The following CADM2 variants were observed in gnomAD, a reference collection of about 807,000 sequenced individuals.
CADM2 encodes the protein cell adhesion molecule 2.
Under a neutral mutation model 49.8 loss-of-function variants are expected in CADM2, and 12 were observed. The observed-to-expected ratio is 0.24, with a 90% confidence interval of 0.15 to 0.39. The LOEUF (loss-of-function observed/expected upper bound fraction) is 0.39. Ranked by LOEUF, CADM2 falls within the 10% of genes least tolerant of loss-of-function variation. CADM2 has a pLI of 1.00. For missense variants in CADM2, 378 were observed against 492.3 expected, an observed-to-expected ratio of 0.77 and a Z score of 2.20; for synonymous variants, 214 against 175.4, an observed-to-expected ratio of 1.22 and a Z score of -1.74.
intron 1 of CADM2, among the ~76,000 whole-genome samples, chr3:85,174,782 T>C (rs912974951): frequency 7.2e-5 from 11 of 152,114 alleles, no homozygotes; most frequent in Admixed American, 5.2e-4. Flanking sequence ...AAGGGGAAGA[T>C]AGAAGATTGG....
chr3:86,029,481 G>A (rs946385672), intron 8 of CADM2, among the ~76,000 whole-genome samples: 2 of 150,300 alleles, frequency 1.3e-5, no homozygotes, highest in Non-Finnish European at 2.9e-5. Flanking sequence ...TGAGAAGTAG[G>A]AGAGAGTTTG....
intron 2 of CADM2, among the ~76,000 whole-genome samples, chr3:85,761,330 A>G (rs117362828): frequency 0.011 from 1,656 of 150,982 alleles, 35 homozygotes; most frequent in East Asian, 0.039. Context: ...AAAAGCAATA[A>G]TGGTATGAAT....
intron 1 of CADM2, among the ~76,000 whole-genome samples, chr3:85,635,577 T>C (rs1281473993): frequency 6.6e-6 from 1 of 152,190 alleles, no homozygotes; most frequent in Non-Finnish European, 1.5e-5. Flanking sequence ...ATCTTTGAAT[T>C]AAGTATTTCC....
rs2107467544 is a variant in CADM2, at chr3:86,072,397, A to AT, written c.*5615dup. On this transcript the variant is annotated 3_prime_UTR_variant, in exon 10 of 10. Transcript: ENST00000383699. ...GAATGGGCCCAAATGTGAAAAAGAT[A>AT]TAAAAAAAACAAAAAAAACAAAAAA... The AT allele has an allele frequency of 6.6e-6, 1 of 150,566 alleles. No individual in the cohort carries two copies. Among genetic ancestry groups the AT allele is most frequent in the African/African-American group, 2.5e-5 (1 of 40,424 alleles). The allele number at this position is 150,566 out of a possible 1,614,324, so 9.3% of individuals were successfully genotyped here.
chr3:85,582,348 T>C (rs1417388516), intron 1 of CADM2, among the ~76,000 whole-genome samples: 1 of 152,128 alleles, frequency 6.6e-6, no homozygotes, highest in Non-Finnish European at 1.5e-5. Context: ...AATCAATCAA[T>C]GGAATCCAAA....
At chr3:85,233,926 T>G (rs2107819380) in intron 1 of CADM2, among the ~76,000 whole-genome samples, 1 of 152,230 alleles carries the variant, frequency 6.6e-6, no homozygotes, top group East Asian at 1.9e-4. Context: ...TAGTATGAAT[T>G]ATTTCCATTC....
chr3:85,651,504 A>C (rs1000562318), intron 1 of CADM2, among the ~76,000 whole-genome samples: 3 of 152,186 alleles, frequency 2.0e-5, no homozygotes, highest in African/African-American at 7.2e-5. Context: ...GCATGATAGA[A>C]ATAATTTTTA....
intron 5 of CADM2, 146 bp downstream of exon 5, chr3:85,886,473 A>G: frequency 1.4e-5 from 8 of 589,058 alleles, no homozygotes; most frequent in Admixed American, 3.0e-5. Context: ...ATTCTTAAGT[A>G]AGGTAATTTT....
intron 1 of CADM2, among the ~76,000 whole-genome samples, chr3:84,988,252 C>A (rs2032693799): frequency 6.6e-6 from 1 of 152,194 alleles, no homozygotes; most frequent in South Asian, 2.1e-4. Flanking sequence ...ATCTTAGTAT[C>A]CTTTTTCTTT....
intron 8 of CADM2, among the ~76,000 whole-genome samples, chr3:86,028,498 A>G (rs1734186217): frequency 6.6e-6 from 1 of 152,190 alleles, no homozygotes; most frequent in Non-Finnish European, 1.5e-5. Flanking sequence ...GAGAGTTTCA[A>G]AAATGTTTTT....
At chr3:85,118,058 T>C (rs1039708558) in intron 1 of CADM2, among the ~76,000 whole-genome samples, 1 of 152,078 alleles carries the variant, frequency 6.6e-6, no homozygotes, top group Non-Finnish European at 1.5e-5. Context: ...CTCTTCCCTG[T>C]ACTATCCTAC....
chr3:85,702,401 C>G (rs571250265), intron 1 of CADM2, among the ~76,000 whole-genome samples: 2 of 152,100 alleles, frequency 1.3e-5, no homozygotes, highest in East Asian at 3.9e-4. Context: ...TCCTATCTAT[C>G]TAGTCCACAG....
At chr3:86,065,438 G>A (rs1739192417) in intron 8 of CADM2, among the ~76,000 whole-genome samples, 167 bp from the exon 9 acceptor site, 1 of 152,200 alleles carries the variant, frequency 6.6e-6, no homozygotes. Context: ...TATATCCCCA[G>A]ATACCTTGTA....
At chr3:85,097,554 A>G (rs1189860923) in intron 1 of CADM2, among the ~76,000 whole-genome samples, 3 of 152,218 alleles carry the variant, frequency 2.0e-5, no homozygotes, top group Middle Eastern at 3.2e-3. Flanking sequence ...TTCTAGTTCT[A>G]GATCCCTGAG....
intron 2 of CADM2, among the ~76,000 whole-genome samples, chr3:85,799,765 C>A (rs559659220): frequency 6.6e-6 from 1 of 152,250 alleles, no homozygotes; most frequent in East Asian, 1.9e-4. Context: ...AAGCTTCATC[C>A]CAGAGTGGCA....
At chr3:85,672,232 G>A (rs375176208) in intron 1 of CADM2, among the ~76,000 whole-genome samples, 165 of 128,862 alleles carry the variant, frequency 1.3e-3, no homozygotes, top group Admixed American at 3.2e-3. Flanking sequence ...TCGGTCTTTC[G>A]CCCAGGCCAG....
chr3:85,173,441 A>C (rs1012843139), intron 1 of CADM2, among the ~76,000 whole-genome samples: 2 of 152,022 alleles, frequency 1.3e-5, no homozygotes, highest in African/African-American at 4.8e-5. Context: ...AGCATTACTA[A>C]CTCATTTAAT....
chr3:85,445,910 C>T (rs904154934), intron 1 of CADM2, among the ~76,000 whole-genome samples: 2 of 152,098 alleles, frequency 1.3e-5, no homozygotes, highest in Non-Finnish European at 2.9e-5. Context: ...CAAATTTATA[C>T]TTTATTAGAC....
intron 1 of CADM2, among the ~76,000 whole-genome samples, chr3:85,237,362 CA>C (rs997761686): frequency 8.4e-4 from 122 of 144,576 alleles, no homozygotes; most frequent in East Asian, 3.8e-3. Flanking sequence ...CAACTCACCT[CA>C]AAAAAAAAAT....
Sources: allele counts gnomAD v4.1 joint callset (sites outside exome capture counted in the v4.1 genomes callset), GRCh38; gene constraint gnomAD v4.1.1; transcripts MANE v1.5; gene names NCBI Gene and HGNC (gene_info 2026-07-23, HGNC 2026-07-21).